Variants in CFAP68 observed in about 807,000 individuals in gnomAD.
CFAP68 encodes the protein cilia and flagella associated protein 68, also known as cilia- and flagella-associated protein 68.
the CFAP68 span, chr11:111,883,818 G>T: frequency 1.1e-5 from 18 of 1,613,414 alleles, no homozygotes; most frequent in East Asian, 4.0e-4. Flanking sequence ...ACCTGAACTG[G>T]ATCCTCCCCG....
At chr11:111,880,683 G>A in the CFAP68 span, 9 of 434,672 alleles carry the variant, frequency 2.1e-5, no homozygotes, top group African/African-American at 4.1e-5. Context: ...TGCCCTCAGG[G>A]TTGCTCTGCA....
chr11:111,883,427 TA>T, the CFAP68 span, among the ~76,000 whole-genome samples: 23 of 151,424 alleles, frequency 1.5e-4, no homozygotes, highest in East Asian at 4.3e-3. Context: ...CCATCTCTAC[TA>T]AAAAAAATAC....
the CFAP68 span, chr11:111,879,714 C>A: frequency 1.6e-6 from 2 of 1,237,922 alleles, no homozygotes; most frequent in East Asian, 2.3e-5. Flanking sequence ...AAAATGTGGC[C>A]TATGATTTCA....
the CFAP68 span, chr11:111,882,309 G>T: frequency 6.9e-7 from 1 of 1,445,214 alleles, no homozygotes; most frequent in South Asian, 1.2e-5. Flanking sequence ...GGCAGGAAAA[G>T]ATGCTTTTTC....
chr11:111,882,668 A>C, the CFAP68 span: 1 of 1,322,494 alleles, frequency 7.6e-7, no homozygotes, highest in Non-Finnish European at 1.0e-6. Context: ...TGGCCATTTG[A>C]AATGCAGGGA....
chr11:111,883,406 G>T, the CFAP68 span, among the ~76,000 whole-genome samples: 1 of 151,828 alleles, frequency 6.6e-6, no homozygotes, highest in Non-Finnish European at 1.5e-5. Flanking sequence ...CCTGGCCAGC[G>T]TGGTGAAACC....
the CFAP68 span, chr11:111,883,670 T>TA: frequency 3.8e-6 from 3 of 790,846 alleles, no homozygotes; most frequent in African/African-American, 1.7e-5. Flanking sequence ...TAACAGGACT[T>TA]ACTGTCTATT....
At chr11:111,883,918 T>C in the CFAP68 span, 1 of 1,371,686 alleles carries the variant, frequency 7.3e-7, no homozygotes, top group Non-Finnish European at 1.0e-6. Context: ...GATCTTAATA[T>C]TGACTAGTTT....
chr11:111,879,593 A>T, the CFAP68 span: 88 of 1,614,096 alleles, frequency 5.5e-5, no homozygotes, highest in Admixed American at 3.3e-4. Flanking sequence ...GCTGCTCAAA[A>T]TTTCTCTTCC....
At chr11:111,883,272 C>T in the CFAP68 span, 7 of 1,360,276 alleles carry the variant, frequency 5.1e-6, no homozygotes, top group African/African-American at 1.5e-5. Flanking sequence ...ATAGAAGGAA[C>T]TCAAATAAAA....
the CFAP68 span, chr11:111,883,256 C>T: frequency 7.2e-5 from 103 of 1,426,790 alleles, no homozygotes; most frequent in African/African-American, 1.9e-4. Flanking sequence ...ACTCAGTGAC[C>T]GGCACATAGA....
chr11:111,881,524 T>C, the CFAP68 span: 2 of 1,536,074 alleles, frequency 1.3e-6, no homozygotes, highest in Non-Finnish European at 1.7e-6. Context: ...TTAAAGAACA[T>C]GGAACAGCCA....
the CFAP68 span, chr11:111,881,493 A>G: frequency 6.5e-7 from 1 of 1,536,064 alleles, no homozygotes; most frequent in Non-Finnish European, 8.7e-7. Flanking sequence ...AGAACTGGGA[A>G]AGCCAGGTTT....
the CFAP68 span, chr11:111,883,901 T>C: frequency 2.0e-5 from 30 of 1,479,728 alleles, no homozygotes; most frequent in Non-Finnish European, 2.8e-5. Flanking sequence ...ACTCAGGATG[T>C]GTATAAGATC....
At chr11:111,879,603 C>T in the CFAP68 span, 6 of 1,613,550 alleles carry the variant, frequency 3.7e-6, no homozygotes, top group African/African-American at 6.7e-5. Context: ...ATTTCTCTTC[C>T]AGGTGCTTAA....
the CFAP68 span, chr11:111,882,501 A>T: frequency 3.7e-6 from 6 of 1,614,048 alleles, no homozygotes; most frequent in South Asian, 6.6e-5. Context: ...TGCACCACTA[A>T]TGAGAATACC....
chr11:111,885,813 C>T, the CFAP68 span: 12 of 151,948 alleles, frequency 7.9e-5, no homozygotes, highest in Admixed American at 5.9e-4. Context: ...ACTTTAGTTT[C>T]GAGATATAGA....
chr11:111,881,705 A>G, the CFAP68 span: 2 of 1,385,734 alleles, frequency 1.4e-6, no homozygotes, highest in Non-Finnish European at 1.9e-6. Context: ...ATGAAATCAG[A>G]CATTGATCAT....
chr11:111,880,254 A>G, the CFAP68 span, among the ~76,000 whole-genome samples: 4 of 152,036 alleles, frequency 2.6e-5, no homozygotes, highest in Non-Finnish European at 5.9e-5. Flanking sequence ...GTTTAGGTCC[A>G]TGTTTGCTCA....
Sources: gnomAD v4.1 joint callset for allele counts (sites outside exome capture counted in the v4.1 genomes callset) on GRCh38, gnomAD v4.1.1 for gene constraint, MANE v1.5 for transcripts, NCBI Gene and HGNC (gene_info 2026-07-23, HGNC 2026-07-21) for gene names.